The following CATSPERB variants were observed in gnomAD, a reference collection of about 807,000 sequenced individuals.
The protein encoded by CATSPERB is cation channel sperm-associated auxiliary subunit beta.
Under a neutral mutation model 128.3 loss-of-function variants are expected in CATSPERB, and 93 were observed. The ratio of observed to expected loss-of-function variants is 0.72; its 90% CI spans 0.61 to 0.86. The LOEUF (loss-of-function observed/expected upper bound fraction) is 0.86. Among genes scored for constraint, CATSPERB ranks in the 40% least tolerant of loss-of-function variants. The pLI is 0.00. For synonymous variants in CATSPERB, 381 were observed against 448.8 expected (o/e 0.85, Z 1.91); for missense variants, 1,153 against 1,329.5 (o/e 0.87, Z 2.06).
chr14:91,662,470 G>A (rs1320440155), intron 14 of CATSPERB, among the ~76,000 whole-genome samples: 1 of 152,060 alleles, frequency 6.6e-6, no homozygotes, highest in African/African-American at 2.4e-5. Context: ...TAGACATCTG[G>A]ATTACTTTTA....
rs374162982 is a variant in CATSPERB at position 91,586,571 on chromosome 14, A to AGAGAGAGAAAGAG, written c.3132+630_3132+631insCTCTTTCTCTCTC. On this transcript the variant is annotated intron_variant, in intron 26 of 26. Coordinates refer to ENST00000256343, the MANE Select transcript of CATSPERB (RefSeq NM_024764.4). ...GGAGAGAGAGAGAGAGAGAGAGAGA[A>AGAGAGAGAAAGAG]AGAGAGAGAGAGAGAGAGAGAGACA... 3.5e-4 allele frequency among the ~76,000 whole-genome samples: 40 copies of AGAGAGAGAAAGAG among 114,242 alleles called. No homozygotes were observed. In the East Asian group the frequency reaches 5.5e-3, roughly 16 times the overall value. The allele number at this position is 114,242 out of a possible 152,430, so 74.9% of individuals were successfully genotyped here.
At chr14:91,683,831 A>C in intron 11 of CATSPERB, 46 bp downstream of exon 11, 4 of 1,155,626 alleles carry the variant, frequency 3.5e-6, no homozygotes, top group Non-Finnish European at 1.3e-6. Context: ...AGTTACACAT[A>C]TATGTAAAAG....
intron 5 of CATSPERB, among the ~76,000 whole-genome samples, chr14:91,714,684 C>T (rs1460193490): frequency 1.3e-5 from 2 of 151,098 alleles, no homozygotes; most frequent in Non-Finnish European, 2.9e-5. Flanking sequence ...CTCAGCCTCT[C>T]GAGTAGTTGA....
intron 14 of CATSPERB, among the ~76,000 whole-genome samples, chr14:91,660,403 A>G (rs1408907691): frequency 6.6e-6 from 1 of 152,206 alleles, no homozygotes; most frequent in Admixed American, 6.5e-5. Context: ...ATATATATGC[A>G]CACATATTTT....
At chr14:91,713,714 T>C (rs537312507) in intron 5 of CATSPERB, among the ~76,000 whole-genome samples, 1 of 152,282 alleles carries the variant, frequency 6.6e-6, no homozygotes, top group South Asian at 2.1e-4. Flanking sequence ...CAAGCCCAGA[T>C]ACCTTCACTG....
rs146677048 is a variant in CATSPERB at position 91,636,445 on chromosome 14, A to G, written c.1722T>C (p.Tyr574=). The G allele has an allele frequency of 1.9e-6, 3 of 1,613,940 alleles. No homozygotes were observed. Among genetic ancestry groups the G allele is most frequent in the Non-Finnish European group, 2.5e-6 (3 of 1,179,988 alleles). The change falls in exon 17 of 27, where the codon TAT becomes TAC. Residue 574 remains tyrosine, a synonymous_variant. Transcript: ENST00000256343. ...IYSKKFGNIH[Y]GKVIHSGKTG... ...ACTACCCAGAGTGTATCACTTTTCC[A>G]TAGTGTATATTGCCGAACTTCTTGC...
At chr14:91,612,245 C>G (rs1470816831) in intron 20 of CATSPERB, among the ~76,000 whole-genome samples, 1 of 151,986 alleles carries the variant, frequency 6.6e-6, no homozygotes, top group Non-Finnish European at 1.5e-5. Flanking sequence ...GAAATTTACT[C>G]TTAGCAATTT....
At chr14:91,587,896 T>C in intron 25 of CATSPERB, 82 bp downstream of exon 25, 1 of 862,164 alleles carries the variant, frequency 1.2e-6, no homozygotes, top group African/African-American at 1.7e-5. Context: ...TTACCTATAC[T>C]TTAGAATTAA....
intron 13 of CATSPERB, among the ~76,000 whole-genome samples, chr14:91,670,580 G>T (rs760984467): frequency 2.6e-5 from 4 of 152,076 alleles, no homozygotes; most frequent in Non-Finnish European, 4.4e-5. Context: ...TACTAATCAG[G>T]CTGGGGCAGA....
intron 13 of CATSPERB, among the ~76,000 whole-genome samples, chr14:91,670,456 T>C (rs946907219): frequency 6.6e-5 from 10 of 151,600 alleles, no homozygotes; most frequent in Non-Finnish European, 1.3e-4. Context: ...TGTGAGAGGA[T>C]TGCTTGAGCC....
At chr14:91,618,882 G>T (rs947400839) in intron 19 of CATSPERB, among the ~76,000 whole-genome samples, 1 of 152,160 alleles carries the variant, frequency 6.6e-6, no homozygotes, top group Non-Finnish European at 1.5e-5. Flanking sequence ...GATTGAGCAG[G>T]TCTGGAGTGA....
Position 91,723,629 on chromosome 14 carries a change from T to C in CATSPERB, c.169-440A>G, listed in dbSNP as rs1267857144. Among the ~76,000 whole-genome samples the C allele has an allele frequency of 2.0e-5, 3 of 152,318 alleles. No individual in the cohort carries two copies. The East Asian group carries it at 5.8e-4, about 29-fold the overall frequency. On this transcript the variant is annotated intron_variant, in intron 3 of 26. Coordinates refer to ENST00000256343, the MANE Select transcript of CATSPERB (RefSeq NM_024764.4). ...TTCCTGAAAACTAACATGAGACAGATACCAAGAGCTTTATTTCAATTAATT... is the reference window on the plus strand; with the variant it reads ...TTCCTGAAAACTAACATGAGACAGACACCAAGAGCTTTATTTCAATTAATT...
intron 26 of CATSPERB, among the ~76,000 whole-genome samples, chr14:91,582,792 A>T (rs1262821118): frequency 6.6e-6 from 1 of 152,210 alleles, no homozygotes; most frequent in African/African-American, 2.4e-5. Context: ...CTGTCTGCTG[A>T]GAGCTGTTCC....
In CATSPERB at chr14:91,581,084, C is replaced by T. The variant is rs766830320; in HGVS notation, c.3156G>A (p.Leu1052=). 1.2e-6 allele frequency: 2 copies of T among 1,613,994 alleles called. No individual in the cohort carries two copies. Among genetic ancestry groups the T allele is most frequent in the South Asian group, 2.2e-5 (2 of 91,034 alleles). Residue 1052 remains leucine, a synonymous_variant, in exon 27 of 27, where the codon TTG becomes TTA. Coordinates refer to ENST00000256343, the MANE Select transcript of CATSPERB (RefSeq NM_024764.4). The stretch of plus-strand genomic sequence containing the variant: ...CAATAAGCGTGTGTCCTGGGAATGG[C>T]AATGGTGCCTCATCAACATAAATCT... ...EFQIYVDEAP[L]PFPGHTLIAV... is the part of the protein sequence containing the mutation.
intron 26 of CATSPERB, among the ~76,000 whole-genome samples, chr14:91,584,000 G>A (rs892119592): frequency 1.9e-4 from 29 of 151,990 alleles, no homozygotes; most frequent in South Asian, 4.1e-4. Flanking sequence ...ATCCTCCCTC[G>A]GCCTCCCAAA....
intron 14 of CATSPERB, among the ~76,000 whole-genome samples, chr14:91,661,532 T>C (rs910172319): frequency 5.5e-5 from 8 of 145,620 alleles, no homozygotes; most frequent in African/African-American, 1.8e-4. Flanking sequence ...ATCATATATA[T>C]ATATATATAT....
chr14:91,666,766 C>A (rs541891363), intron 14 of CATSPERB, among the ~76,000 whole-genome samples: 1 of 152,288 alleles, frequency 6.6e-6, no homozygotes, highest in Admixed American at 6.5e-5. Flanking sequence ...TACTTAGATA[C>A]CAGGCGCTAC....
At chr14:91,609,057 A>C (rs2139775666) in intron 21 of CATSPERB, among the ~76,000 whole-genome samples, 1 of 152,316 alleles carries the variant, frequency 6.6e-6, no homozygotes, top group African/African-American at 2.4e-5. Context: ...TAGAGAAAAA[A>C]TGAAAATGGA....
intron 5 of CATSPERB, among the ~76,000 whole-genome samples, chr14:91,712,813 C>T (rs1201015982): frequency 2.0e-5 from 3 of 152,156 alleles, no homozygotes; most frequent in African/African-American, 4.8e-5. Context: ...CTCAGTCATA[C>T]GGGGACAATT....
Sources: allele counts gnomAD v4.1 joint callset (sites outside exome capture counted in the v4.1 genomes callset), GRCh38; gene constraint gnomAD v4.1.1; transcripts MANE v1.5; gene names NCBI Gene and HGNC (gene_info 2026-07-23, HGNC 2026-07-21).